The following DIAPH2 variants were observed in gnomAD, a reference collection of about 807,000 sequenced individuals.
The protein encoded by DIAPH2 is protein diaphanous homolog 2.
DIAPH2 carries 35 observed loss-of-function variants against 92.7 expected under a neutral mutation model. That is an observed-to-expected ratio of 0.38 (90% CI 0.29 to 0.50). The LOEUF (loss-of-function observed/expected upper bound fraction) is 0.50, where lower values mean the gene tolerates loss of function less well. Among genes scored for constraint, DIAPH2 ranks in the 20% least tolerant of loss-of-function variants. The pLI is 0.94. For missense variants in DIAPH2, 701 were observed against 819.5 expected (o/e 0.86, Z 1.77); for synonymous variants, 301 against 280.4 (o/e 1.07, Z -0.73).
At chrX:97,503,442 G>T (rs958982971) in intron 26 of DIAPH2, among the ~76,000 whole-genome samples, 1 of 112,100 alleles carries the variant, frequency 8.9e-6, no homozygotes, top group Non-Finnish European at 1.9e-5. Flanking sequence ...AAGTCATATA[G>T]TCCAAATCCT....
intron 26 of DIAPH2, among the ~76,000 whole-genome samples, chrX:97,570,525 G>GTGA (rs1400681184): frequency 9.1e-6 from 1 of 109,708 alleles, no homozygotes; most frequent in Non-Finnish European, 1.9e-5. Context: ...AATGCATAAT[G>GTGA]TGATAGTGCA....
chrX:96,885,333 A>G, intron 5 of DIAPH2: 1 of 301,259 alleles, frequency 3.3e-6, no homozygotes, highest in Non-Finnish European at 6.0e-6. Context: ...AGCTAATGGA[A>G]ACATGATTTT....
At position 97,170,466 on chromosome X, in the gene DIAPH2, C is replaced by A. The variant is rs1337092717; in HGVS notation, c.2719+28672C>A. On this transcript the variant is annotated intron_variant, in intron 22 of 26. Transcript: ENST00000324765. The stretch of plus-strand genomic sequence containing the variant: ...TGAAATTTCTTAAATAAAATGAAGT[C>A]AAGTGAAATGAAGACAGATAATTAA... 4.5e-5 allele frequency among the ~76,000 whole-genome samples: 5 copies of A among 111,804 alleles called. No homozygotes were observed. In the East Asian group the frequency reaches 1.1e-3, roughly 25 times the overall value.
Position 97,005,908 on chromosome X carries a change from C to CTT in DIAPH2, c.2050+40720_2050+40721dup, listed in dbSNP as rs58056111. ...GCCTTGTTATTTATTTGAAGTTTTT[C>CTT]TTTTTTTTTTTTTTTTTTTTGATGT... On this transcript the variant is annotated intron_variant, in intron 17 of 26. Transcript: ENST00000324765. Among the ~76,000 whole-genome samples the CTT allele has an allele frequency of 1.2e-3, 84 of 68,152 alleles. 2 individuals carry two copies. In the South Asian group the frequency reaches 0.035, roughly 29 times the overall value. The allele number at this position is 68,152 out of a possible 115,157, so 59.2% of individuals were successfully genotyped here.
intron 22 of DIAPH2, among the ~76,000 whole-genome samples, chrX:97,216,628 A>T (rs1477553243): frequency 9.0e-6 from 1 of 111,216 alleles, no homozygotes; most frequent in Non-Finnish European, 1.9e-5. Context: ...AGAAAGCAGT[A>T]TATTTTTGTT....
rs1296298694 is a variant in DIAPH2 at position 96,942,028 on chromosome X, T to C, written c.1336T>C (p.Tyr446His). ...RNDYYIRPQYYKIIEECVSQI... is the reference protein window; with the variant it reads ...RNDYYIRPQYHKIIEECVSQI... Reference sequence around the variant, plus strand: ...TTCTCTCCTTTTCAGGCCACAATATTATAAAATAATTGAGGAATGTGTTTC... The same window carrying C: ...TTCTCTCCTTTTCAGGCCACAATATCATAAAATAATTGAGGAATGTGTTTC... Residue 446 changes from tyrosine (Y) to histidine (H), a missense_variant, in exon 13 of 27, where the codon TAT becomes CAT. Tyr to His is a moderately conservative substitution (Grantham distance 83). This residue lies in a region of DIAPH2 where 536 missense variants were observed against 599.3 expected (regional missense o/e 0.89). Transcript: ENST00000324765. The C allele has an allele frequency of 8.7e-7, 1 of 1,155,147 alleles. No homozygotes were observed. The highest frequency in any genetic ancestry group is 1.2e-6 in the Non-Finnish European group (1 of 846,232).
chrX:97,517,892 A>G (rs1055556165), intron 26 of DIAPH2, among the ~76,000 whole-genome samples: 4 of 112,420 alleles, frequency 3.6e-5, no homozygotes, highest in Admixed American at 1.9e-4. Context: ...AAACCTCCCA[A>G]TGCTGATGTT....
chrX:97,592,429 C>G (rs2071523677), intron 26 of DIAPH2, among the ~76,000 whole-genome samples: 1 of 111,812 alleles, frequency 8.9e-6, no homozygotes, highest in Non-Finnish European at 1.9e-5. Flanking sequence ...TCCCCTAGCA[C>G]AGCAGAGTTT....
chrX:96,712,049 G>A (rs1160662251), intron 1 of DIAPH2, among the ~76,000 whole-genome samples: 3 of 111,494 alleles, frequency 2.7e-5, no homozygotes, highest in African/African-American at 6.5e-5. Flanking sequence ...TTACAAAGAG[G>A]TTGTAAAGGT....
At chrX:97,374,172 A>T (rs2069477870) in intron 24 of DIAPH2, among the ~76,000 whole-genome samples, 1 of 111,274 alleles carries the variant, frequency 9.0e-6, no homozygotes, top group South Asian at 3.8e-4. Context: ...TGGGACAGGG[A>T]AGTATAGTCT....
At chrX:97,559,372 C>T (rs1423568408) in intron 26 of DIAPH2, among the ~76,000 whole-genome samples, 1 of 110,058 alleles carries the variant, frequency 9.1e-6, no homozygotes, top group Non-Finnish European at 1.9e-5. Context: ...CGCCTGTAGA[C>T]CCAGCTACTC....
At chrX:97,258,698 T>G (rs1322336335) in intron 23 of DIAPH2, among the ~76,000 whole-genome samples, 2 of 103,774 alleles carry the variant, frequency 1.9e-5, no homozygotes, top group Non-Finnish European at 3.9e-5. Context: ...TGAAACCCCG[T>G]CTATACTAAA....
chrX:96,704,293 A>G (rs1195590885), intron 1 of DIAPH2, among the ~76,000 whole-genome samples: 1 of 112,017 alleles, frequency 8.9e-6, no homozygotes, highest in Non-Finnish European at 1.9e-5. Context: ...AGCCTTTGAA[A>G]CATGAAGAGC....
At chrX:96,998,902 A>T (rs369020638) in intron 17 of DIAPH2, among the ~76,000 whole-genome samples, 1 of 112,439 alleles carries the variant, frequency 8.9e-6, no homozygotes, top group East Asian at 2.8e-4. Context: ...TGAGTTAATA[A>T]TTGTAAAATG....
At chrX:97,286,757 G>A (rs1165418617) in intron 23 of DIAPH2, among the ~76,000 whole-genome samples, 1 of 111,209 alleles carries the variant, frequency 9.0e-6, no homozygotes, top group Non-Finnish European at 1.9e-5. Context: ...TACAGAGATC[G>A]AATCCTGTCT....
At chrX:97,309,430 T>C (rs903735922) in intron 23 of DIAPH2, among the ~76,000 whole-genome samples, 41 of 111,603 alleles carry the variant, frequency 3.7e-4, no homozygotes, top group African/African-American at 1.2e-3. Flanking sequence ...CCAATTTTCA[T>C]TGATGCATTC....
chrX:96,945,271 C>T (rs2065731141), intron 13 of DIAPH2, among the ~76,000 whole-genome samples: 1 of 110,877 alleles, frequency 9.0e-6, no homozygotes, highest in African/African-American at 3.3e-5. Flanking sequence ...AATTGAATAC[C>T]CATAAAAATA....
At chrX:97,207,577 A>G (rs2067807975) in intron 22 of DIAPH2, among the ~76,000 whole-genome samples, 1 of 111,641 alleles carries the variant, frequency 9.0e-6, no homozygotes, top group African/African-American at 3.3e-5. Flanking sequence ...GGTACTAAGC[A>G]GTTAAGTGAC....
chrX:97,077,006 C>T (rs1337730065), intron 19 of DIAPH2, among the ~76,000 whole-genome samples: 1 of 111,431 alleles, frequency 9.0e-6, no homozygotes, highest in Admixed American at 9.6e-5. Context: ...TGATCAAAAC[C>T]CATTTTCTTA....
Sources: gnomAD v4.1 joint callset for allele counts (sites outside exome capture counted in the v4.1 genomes callset) on GRCh38, gnomAD v4.1.1 for gene constraint, gnomAD v4.1.1 regional missense constraint, MANE v1.5 for transcripts, NCBI Gene and HGNC (gene_info 2026-07-23, HGNC 2026-07-21) for gene names.